DCLK1: variants seen among roughly 807,000 people sequenced by gnomAD.
The protein encoded by DCLK1 is serine/threonine-protein kinase DCLK1.
Under a neutral mutation model 86.2 loss-of-function variants are expected in DCLK1, and 16 were observed. That is an observed-to-expected ratio of 0.19 (90% CI 0.13 to 0.28). The LOEUF (loss-of-function observed/expected upper bound fraction) is 0.28. Ranked by LOEUF, DCLK1 falls within the 10% of genes least tolerant of loss-of-function variation. DCLK1 has a pLI of 1.00. For missense variants in DCLK1, 590 were observed against 940.2 expected, an observed-to-expected ratio of 0.63 and a Z score of 4.87; for synonymous variants, 369 against 370.5, an observed-to-expected ratio of 1.00 and a Z score of 0.05.
chr13:36,115,641 T>C (rs1885757824), intron 2 of DCLK1, among the ~76,000 whole-genome samples: 1 of 151,526 alleles, frequency 6.6e-6, no homozygotes, highest in Non-Finnish European at 1.5e-5. Flanking sequence ...AATAGCAAGA[T>C]GCTGAAGCAG....
intron 3 of DCLK1, among the ~76,000 whole-genome samples, chr13:35,982,791 T>A (rs1274108995): frequency 6.6e-6 from 1 of 152,160 alleles, no homozygotes; most frequent in Non-Finnish European, 1.5e-5. Flanking sequence ...TGAAAGGGTC[T>A]CATTCTGTCA....
chr13:36,085,645 G>A (rs1884565818), intron 3 of DCLK1, among the ~76,000 whole-genome samples: 1 of 152,122 alleles, frequency 6.6e-6, no homozygotes, highest in Non-Finnish European at 1.5e-5. Context: ...ACTATTCTTT[G>A]TGACTGAGGA....
chr13:36,115,197 C>T (rs1383768131), intron 2 of DCLK1, among the ~76,000 whole-genome samples: 1 of 152,014 alleles, frequency 6.6e-6, no homozygotes, highest in Non-Finnish European at 1.5e-5. Context: ...AAAAAACAAA[C>T]AAAATAACAA....
chr13:35,972,933 T>A (rs189191503), intron 3 of DCLK1, among the ~76,000 whole-genome samples: 2 of 151,962 alleles, frequency 1.3e-5, no homozygotes, highest in African/African-American at 4.8e-5. Flanking sequence ...GCTGTACAAA[T>A]GCATTATTAT....
intron 4 of DCLK1, among the ~76,000 whole-genome samples, chr13:35,878,936 C>T (rs1249646821): frequency 9.9e-5 from 15 of 152,082 alleles, no homozygotes; most frequent in Non-Finnish European, 1.9e-4. Flanking sequence ...CAGGCACACA[C>T]TGCCATGCCC....
intron 3 of DCLK1, among the ~76,000 whole-genome samples, chr13:35,990,312 A>G (rs1242921358): frequency 6.6e-6 from 1 of 152,232 alleles, no homozygotes; most frequent in East Asian, 1.9e-4. Context: ...TTAATGCTAG[A>G]CAAATTGCCA....
chr13:35,867,474 C>G (rs1421982838), intron 5 of DCLK1, among the ~76,000 whole-genome samples: 2 of 152,080 alleles, frequency 1.3e-5, no homozygotes, highest in East Asian at 3.9e-4. Context: ...TCAATTCAAC[C>G]AGGTTTCAAC....
At chr13:35,945,460 A>G (rs973483123) in intron 4 of DCLK1, among the ~76,000 whole-genome samples, 1 of 152,100 alleles carries the variant, frequency 6.6e-6, no homozygotes, top group East Asian at 1.9e-4. Context: ...GGGCCTAGAT[A>G]GAGACCCCAG....
At chr13:36,089,033 A>C (rs1884720181) in intron 3 of DCLK1, among the ~76,000 whole-genome samples, 1 of 152,204 alleles carries the variant, frequency 6.6e-6, no homozygotes, top group South Asian at 2.1e-4. Flanking sequence ...TTTTTTTAAA[A>C]AAATTCTCTC....
At chr13:35,788,429 T>A in intron 16 of DCLK1, 1 of 725,918 alleles carries the variant, frequency 1.4e-6, no homozygotes, top group Non-Finnish European at 2.3e-6. Flanking sequence ...ATATCCTAAG[T>A]CTGCATACTG....
chr13:36,051,784 C>A (rs758706327), intron 3 of DCLK1, among the ~76,000 whole-genome samples: 18 of 152,094 alleles, frequency 1.2e-4, no homozygotes, highest in Non-Finnish European at 2.2e-4. Flanking sequence ...TTTCTTTGGA[C>A]TAAAAGTACA....
chr13:35,853,605 A>C (rs1490956247), intron 6 of DCLK1, among the ~76,000 whole-genome samples: 1 of 152,218 alleles, frequency 6.6e-6, no homozygotes, highest in African/African-American at 2.4e-5. Context: ...GTTTTGTTTT[A>C]AAACACATAA....
At chr13:36,039,257 T>A (rs1882617780) in intron 3 of DCLK1, among the ~76,000 whole-genome samples, 1 of 152,208 alleles carries the variant, frequency 6.6e-6, no homozygotes, top group South Asian at 2.1e-4. Context: ...CCACCATGTA[T>A]TTCTGAAGTG....
Position 36,037,446 on chromosome 13 carries a change from G to A in DCLK1, c.723+74423C>T, listed in dbSNP as rs143524871. ...ATATATTTAAGGTGGTGGATATCCC[G>A]ATTACCCTAATGTGACCTTTTTTCT... On this transcript the variant is annotated intron_variant, in intron 3 of 16. Transcript: ENST00000360631. Among the ~76,000 whole-genome samples the A allele has an allele frequency of 3.0e-3, 410 of 135,908 alleles. 1 individual carries two copies. The highest frequency in any genetic ancestry group is 0.011 in the African/African-American group (380 of 35,926). 89.2% of individuals were successfully genotyped at this position (135,908 alleles called of 152,430 possible).
chr13:35,909,002 C>T (rs1301057354), intron 4 of DCLK1, among the ~76,000 whole-genome samples: 1 of 152,150 alleles, frequency 6.6e-6, no homozygotes, highest in Non-Finnish European at 1.5e-5. Context: ...TGTATCTCTA[C>T]AAAGCAAGAA....
At chr13:35,877,383 G>A (rs1159845139) in intron 4 of DCLK1, among the ~76,000 whole-genome samples, 3 of 152,270 alleles carry the variant, frequency 2.0e-5, no homozygotes, top group East Asian at 1.9e-4. Flanking sequence ...GAATAGAAAC[G>A]GTTGCAGAAT....
intron 4 of DCLK1, among the ~76,000 whole-genome samples, chr13:35,915,173 A>G (rs969905754): frequency 2.0e-5 from 3 of 152,234 alleles, no homozygotes; most frequent in Admixed American, 6.5e-5. Context: ...TCCTTAGAAC[A>G]TATCACTATT....
chr13:35,951,138 A>G (rs745774053), intron 3 of DCLK1, among the ~76,000 whole-genome samples: 1 of 151,978 alleles, frequency 6.6e-6, no homozygotes, highest in Non-Finnish European at 1.5e-5. Flanking sequence ...TGAGCTTGGC[A>G]TTCCAGATGC....
In DCLK1 at chr13:36,126,060, C is replaced by G. The variant is rs1337143763; in HGVS notation, c.78G>C (p.Arg26=). The G allele has an allele frequency of 2.5e-6, 4 of 1,612,970 alleles. No individual in the cohort carries two copies. The highest frequency in any genetic ancestry group is 1.7e-5 in the Admixed American group (1 of 59,992). ...GCGTCGGGCTCGGCAGGCCGTTCAC[C>G]CGCGACCCTCGGCTGTATCTCTGCG... is the stretch of plus-strand genomic sequence containing the variant. ...DKAQRYSRGS[R]VNGLPSPTHS... is the part of the protein sequence containing the mutation. Residue 26 remains arginine, a synonymous_variant, in exon 2 of 17, where the codon CGG becomes CGC. Coordinates refer to ENST00000360631, the MANE Select transcript of DCLK1 (RefSeq NM_001330071.2).
Sources: allele counts gnomAD v4.1 joint callset (sites outside exome capture counted in the v4.1 genomes callset), GRCh38; gene constraint gnomAD v4.1.1; transcripts MANE v1.5; gene names NCBI Gene and HGNC (gene_info 2026-07-23, HGNC 2026-07-21).